The following SLC41A1 variants were observed in gnomAD, a reference collection of about 807,000 sequenced individuals.
The protein encoded by SLC41A1 is solute carrier family 41 (magnesium transporter), member 1.
SLC41A1 carries 20 observed loss-of-function variants against 47.3 expected under a neutral mutation model. The ratio of observed to expected loss-of-function variants is 0.42; its 90% CI spans 0.30 to 0.61. SLC41A1 has a LOEUF of 0.61. Among genes scored for constraint, SLC41A1 ranks in the 20% least tolerant of loss-of-function variants. SLC41A1 has a pLI of 0.17. For missense variants in SLC41A1, 504 were observed against 674.1 expected (o/e 0.75, Z 2.79); for synonymous variants, 282 against 272.7 (o/e 1.03, Z -0.34).
In SLC41A1 at chr1:205,798,482, C is replaced by T. The variant is rs536124829; in HGVS notation, c.844+187G>A. On this transcript the variant is annotated intron_variant, in intron 6 of 10. Coordinates refer to ENST00000367137, the MANE Select transcript of SLC41A1 (RefSeq NM_173854.6). ...ATATACTTCTGATACTTTTCCCCTG[C>T]CCCTGATGCCTGCTTGAATTTGAGA... 3.9e-5 allele frequency among the ~76,000 whole-genome samples: 6 copies of T among 152,336 alleles called. No individual in the cohort carries two copies. The South Asian group carries it at 1.2e-3, about 32-fold the overall frequency.
rs1655621089 is a variant in SLC41A1 at position 205,791,300 on chromosome 1, T to C, written c.*233A>G. 9.4e-6 allele frequency: 5 copies of C among 531,796 alleles called. No homozygotes were observed. Among genetic ancestry groups the C allele is most frequent in the Non-Finnish European group, 1.7e-5 (5 of 295,696 alleles). 32.9% of individuals were successfully genotyped at this position (531,796 alleles called of 1,614,324 possible). ...CCCACCATGAAACTGCACTTGGTGA[T>C]TGTCTCAAAAACCTACTTGTACTGC... On this transcript the variant is annotated 3_prime_UTR_variant, in exon 11 of 11. Transcript: ENST00000367137. This position sits in a 1 kb window ranked among gnomAD's most constrained non-coding sequence, Gnocchi z 4.0.
At chr1:205,803,955 T>A (rs1465362167) in intron 2 of SLC41A1, among the ~76,000 whole-genome samples, 1 of 151,752 alleles carries the variant, frequency 6.6e-6, no homozygotes, top group Non-Finnish European at 1.5e-5. Context: ...GAAAGAAGAA[T>A]GGTGGAAGCA....
Position 205,810,489 on chromosome 1 carries a change from CT to C in SLC41A1, c.-49del, listed in dbSNP as rs1270822849. The C allele has an allele frequency of 6.2e-7, 1 of 1,613,262 alleles. No individual in the cohort carries two copies. The highest frequency in any genetic ancestry group is 1.3e-5 in the African/African-American group (1 of 74,920). On this transcript the variant is annotated 5_prime_UTR_variant, in exon 2 of 11. Transcript: ENST00000367137. This position sits in a 1 kb window ranked among gnomAD's most constrained non-coding sequence, Gnocchi z 5.5. ...GGAGAACTTTCCTCTCTTCTTTTTG[CT>C]TTCTCTCTTCTTCTCTAACTTGGGA...
At chr1:205,792,133 T>G (rs1655640745) in intron 10 of SLC41A1, among the ~76,000 whole-genome samples, 1 of 152,210 alleles carries the variant, frequency 6.6e-6, no homozygotes, top group Non-Finnish European at 1.5e-5. Context: ...GGCAGGGGGC[T>G]GGCTGCTGGA....
At chr1:205,808,061 T>C (rs1168779178) in intron 2 of SLC41A1, among the ~76,000 whole-genome samples, 1 of 151,846 alleles carries the variant, frequency 6.6e-6, no homozygotes, top group African/African-American at 2.4e-5. Flanking sequence ...GCTCAAATGA[T>C]TCTCTTGCCT....
intron 9 of SLC41A1, 75 bp downstream of exon 9, chr1:205,795,269 G>T: frequency 1.2e-6 from 2 of 1,608,138 alleles, no homozygotes; most frequent in Non-Finnish European, 1.7e-6. Flanking sequence ...TGGGGCCCCA[G>T]CTGTCTCTTA....
At chr1:205,808,579 C>T (rs1306185785) in intron 2 of SLC41A1, among the ~76,000 whole-genome samples, 1 of 152,180 alleles carries the variant, frequency 6.6e-6, no homozygotes, top group Non-Finnish European at 1.5e-5. Flanking sequence ...ACTGAGGCCA[C>T]AGGAAAGGAA....
chr1:205,791,106 C>T lies in SLC41A1; in HGVS notation c.*427G>A. ...CTTATTCTTCTGTCCCTCTGTTCAA[C>T]CAAAACCAAAAATAAAACAAAACAG... On this transcript the variant is annotated 3_prime_UTR_variant, in exon 11 of 11. Coordinates refer to ENST00000367137, the MANE Select transcript of SLC41A1 (RefSeq NM_173854.6). The surrounding 1 kb of genome is among the most constrained non-coding windows in gnomAD (Gnocchi z 4.0). The T allele has an allele frequency of 3.6e-6, 1 of 275,026 alleles. No homozygotes were observed. Among genetic ancestry groups the T allele is most frequent in the Non-Finnish European group, 7.0e-6 (1 of 141,984 alleles). 17.0% of individuals were successfully genotyped at this position (275,026 alleles called of 1,614,324 possible).
chr1:205,797,116 G>A, intron 7 of SLC41A1, 113 bp from the exon 8 acceptor site: 1 of 912,740 alleles, frequency 1.1e-6, no homozygotes, highest in Non-Finnish European at 1.8e-6. Context: ...AAGCACCATG[G>A]CTCTCAGGAG....
Position 205,813,160 on chromosome 1 carries a change from T to C in SLC41A1, c.-999A>G, listed in dbSNP as rs1656204761. 2.0e-6 allele frequency: 2 copies of C among 985,334 alleles called. No individual in the cohort carries two copies. Among genetic ancestry groups the C allele is most frequent in the Non-Finnish European group, 2.4e-6 (2 of 829,914 alleles). 61.0% of individuals were successfully genotyped at this position (985,334 alleles called of 1,614,324 possible). A position where few individuals can be genotyped will look rare whatever the true frequency, so the allele number is the denominator to read the frequency against. On this transcript the variant is annotated 5_prime_UTR_variant, in exon 1 of 11. Coordinates refer to ENST00000367137, the MANE Select transcript of SLC41A1 (RefSeq NM_173854.6). ...TCTTGCCCGCGGACTCGGGCCCAAC[T>C]GGTTGGCTGCCGGTGGCAAACGTGA...
rs1655554497 is a variant in SLC41A1, at chr1:205,789,108, TCTTTA to T, written c.*2420_*2424del. The T allele has an allele frequency of 6.6e-6, 1 of 152,246 alleles. No individual in the cohort carries two copies. The highest frequency in any genetic ancestry group is 1.5e-5 in the Non-Finnish European group (1 of 68,044). The allele number at this position is 152,246 out of a possible 1,614,324, so 9.4% of individuals were successfully genotyped here. A position where few individuals can be genotyped will look rare whatever the true frequency, so the allele number is the denominator to read the frequency against. ...ACACCAACCATCTAAATAAACGTCCTCTTTATTTTACCAAATATAATTTATCAGTT... is the reference window on the plus strand; with the variant it reads ...ACACCAACCATCTAAATAAACGTCCTTTTTACCAAATATAATTTATCAGTT... On this transcript the variant is annotated 3_prime_UTR_variant, in exon 11 of 11. Coordinates refer to ENST00000367137, the MANE Select transcript of SLC41A1 (RefSeq NM_173854.6).
rs147900595 is a variant in SLC41A1, at chr1:205,796,318, C to G, written c.1072+606G>C. The G allele has an allele frequency of 4.1e-3, 678 of 167,088 alleles. 2 individuals are homozygous for G. The highest frequency in any genetic ancestry group is 5.6e-3 in the Non-Finnish European group (431 of 76,870). 10.4% of individuals were successfully genotyped at this position (167,088 alleles called of 1,614,324 possible). On this transcript the variant is annotated intron_variant, in intron 8 of 10. Coordinates refer to ENST00000367137, the MANE Select transcript of SLC41A1 (RefSeq NM_173854.6). Reference sequence around the variant, plus strand: ...TGGTTTGAATATAGTTTGTCCCCAACAAAACTCATGTTGTGGCTTGGTCCC... The same window carrying G: ...TGGTTTGAATATAGTTTGTCCCCAAGAAAACTCATGTTGTGGCTTGGTCCC...
chr1:205,810,582 C>T lies in SLC41A1; in HGVS notation c.-141G>A, dbSNP rs1040372803. 6.1e-6 allele frequency: 8 copies of T among 1,308,066 alleles called. No individual in the cohort carries two copies. Among genetic ancestry groups the T allele is most frequent in the Non-Finnish European group, 8.6e-6 (8 of 934,590 alleles). 81.0% of individuals were successfully genotyped at this position (1,308,066 alleles called of 1,614,324 possible). On this transcript the variant is annotated 5_prime_UTR_variant, in exon 2 of 11. Transcript: ENST00000367137. The surrounding 1 kb of genome is among the most constrained non-coding windows in gnomAD (Gnocchi z 5.5). Reference sequence around the variant, plus strand: ...GGACCTCTTCCCACGGCTCTCCACTCCTACCAGGCACTGCAAAAACTGATC... The same window carrying T: ...GGACCTCTTCCCACGGCTCTCCACTTCTACCAGGCACTGCAAAAACTGATC...
intron 6 of SLC41A1, among the ~76,000 whole-genome samples, chr1:205,798,450 C>T (rs1471657629): frequency 1.3e-5 from 2 of 152,200 alleles, no homozygotes; most frequent in African/African-American, 4.8e-5. Flanking sequence ...TGCAGGACCA[C>T]ACAGGAATAT....
chr1:205,803,637 T>C (rs1655941703), intron 2 of SLC41A1, among the ~76,000 whole-genome samples: 1 of 104,140 alleles, frequency 9.6e-6, no homozygotes, highest in Non-Finnish European at 1.9e-5. Flanking sequence ...AAATTCTTTT[T>C]TTTTTTTTTT....
intron 2 of SLC41A1, among the ~76,000 whole-genome samples, chr1:205,801,671 C>T (rs557016380): frequency 6.6e-6 from 1 of 152,280 alleles, no homozygotes; most frequent in African/African-American, 2.4e-5. Context: ...CTGTGCACTG[C>T]CTTACCCCCA....
At chr1:205,807,290 G>A (rs1656035125) in intron 2 of SLC41A1, among the ~76,000 whole-genome samples, 1 of 152,174 alleles carries the variant, frequency 6.6e-6, no homozygotes, top group South Asian at 2.1e-4. Flanking sequence ...CAGCCCAGCT[G>A]TAGCAGGAAG....
rs1656195803 is a variant in SLC41A1, at chr1:205,812,970, G to GC, written c.-810dup. 1.0e-6 allele frequency: 1 copy of GC among 985,792 alleles called. No individual in the cohort carries two copies. Among genetic ancestry groups the GC allele is most frequent in the African/African-American group, 1.7e-5 (1 of 57,264 alleles). The allele number at this position is 985,792 out of a possible 1,614,324, so 61.1% of individuals were successfully genotyped here. On this transcript the variant is annotated 5_prime_UTR_variant, in exon 1 of 11. Transcript: ENST00000367137. ...CCCCAGCCAAGGCGAGCGTCCAGCC[G>GC]CGACACCCGGCTCGCTACATTTCGC...
Position 205,799,082 on chromosome 1 carries a change from C to A in SLC41A1, c.572G>T (p.Gly191Val). 1 of 1,612,346 alleles carries A rather than the reference C, an allele frequency of 6.2e-7. No homozygotes were observed. Among genetic ancestry groups the A allele is most frequent in the Non-Finnish European group, 8.5e-7 (1 of 1,179,902 alleles). The change falls in exon 5 of 11, where the codon GGC becomes GTC. Residue 191 changes from glycine (G) to valine (V), a missense_variant. Coordinates refer to ENST00000367137, the MANE Select transcript of SLC41A1 (RefSeq NM_173854.6). ...ALIQVQATVV[G>V]FLASIAAVVF... ...GACGGCTGCGATGGACGCCAGGAAGCCCACCACCGTGGCCTGCACCTGGGG... is the reference window on the plus strand; with the variant it reads ...GACGGCTGCGATGGACGCCAGGAAGACCACCACCGTGGCCTGCACCTGGGG...
Sources: allele counts gnomAD v4.1 joint callset (sites outside exome capture counted in the v4.1 genomes callset), GRCh38; gene constraint gnomAD v4.1.1; non-coding constraint Gnocchi (gnomAD v3.1); transcripts MANE v1.5; gene names NCBI Gene and HGNC (gene_info 2026-07-23, HGNC 2026-07-21).